TMEM163: variants seen among roughly 807,000 people sequenced by gnomAD.
TMEM163 encodes the protein transmembrane protein 163.
In TMEM163, 17 loss-of-function variants were observed where a neutral mutation model predicts 29.3. The observed-to-expected ratio is 0.58, with a 90% CI of 0.40 to 0.87. The LOEUF (loss-of-function observed/expected upper bound fraction) is 0.87. Among genes scored for constraint, TMEM163 ranks in the 40% least tolerant of loss-of-function variants. The pLI, the probability that TMEM163 is intolerant of heterozygous loss-of-function variation, is 0.00. For missense variants in TMEM163, 303 were observed against 381.5 expected, an observed-to-expected ratio of 0.79 and a Z score of 1.71; for synonymous variants, 157 against 160.6, an observed-to-expected ratio of 0.98 and a Z score of 0.17.
chr2:134,460,272 G>C lies in TMEM163; in HGVS notation c.668-2099C>G, dbSNP rs1686505705. ...CATCCAGCCACACAACCCTGCAACA[G>C]CCATCCTGCCCTCCCCTCAGGGCCA... On this transcript the variant is annotated intron_variant, in intron 6 of 7. Coordinates refer to ENST00000281924, the MANE Select transcript of TMEM163 (RefSeq NM_030923.5). This position sits in a 1 kb window ranked among gnomAD's most constrained non-coding sequence, Gnocchi z 4.3. Among the ~76,000 whole-genome samples the C allele has an allele frequency of 6.6e-6, 1 of 151,828 alleles. No homozygotes were observed. Among genetic ancestry groups the C allele is most frequent in the East Asian group, 2.0e-4 (1 of 5,112 alleles).
intron 2 of TMEM163, among the ~76,000 whole-genome samples, chr2:134,615,080 T>C (rs959608068): frequency 6.6e-6 from 1 of 151,356 alleles, no homozygotes; most frequent in African/African-American, 2.4e-5. Context: ...CACAAGTGAG[T>C]GCATGTACTA....
At chr2:134,490,844 T>C (rs1406802736) in intron 5 of TMEM163, among the ~76,000 whole-genome samples, 1 of 152,062 alleles carries the variant, frequency 6.6e-6, no homozygotes, top group Admixed American at 6.6e-5. Flanking sequence ...CACCACATAA[T>C]CAGGGATATT....
chr2:134,494,126 G>A (rs1024911648), intron 5 of TMEM163, among the ~76,000 whole-genome samples: 5 of 152,136 alleles, frequency 3.3e-5, no homozygotes, highest in South Asian at 4.1e-4. Flanking sequence ...TCTCCCTTCC[G>A]TCTGTTAATA....
At chr2:134,696,215 C>T (rs1360012978) in intron 2 of TMEM163, among the ~76,000 whole-genome samples, 1 of 152,118 alleles carries the variant, frequency 6.6e-6, no homozygotes, top group African/African-American at 2.4e-5. Flanking sequence ...ATGTGTGATG[C>T]TACCTCTCTC....
chr2:134,666,215 G>C (rs1683870144), intron 2 of TMEM163, among the ~76,000 whole-genome samples: 2 of 151,720 alleles, frequency 1.3e-5, no homozygotes, highest in Admixed American at 1.3e-4. Context: ...GCCGACTTCT[G>C]CCTGCCTTTC....
chr2:134,616,094 T>C (rs1251534353), intron 2 of TMEM163, among the ~76,000 whole-genome samples: 1 of 152,134 alleles, frequency 6.6e-6, no homozygotes, highest in Non-Finnish European at 1.5e-5. Flanking sequence ...TACCAAGAGA[T>C]GGAAGTGGTC....
At chr2:134,624,506 G>A (rs1425624276) in intron 2 of TMEM163, among the ~76,000 whole-genome samples, 2 of 152,114 alleles carry the variant, frequency 1.3e-5, no homozygotes, top group East Asian at 3.8e-4. Flanking sequence ...ATGAGTACTA[G>A]GCTTAATACC....
chr2:134,657,634 C>A (rs1429961961), intron 2 of TMEM163, among the ~76,000 whole-genome samples: 1 of 152,034 alleles, frequency 6.6e-6, no homozygotes, highest in Non-Finnish European at 1.5e-5. Context: ...GAAACCCCAT[C>A]TCTACTAAAT....
At chr2:134,563,027 T>A (rs1681216930) in intron 2 of TMEM163, among the ~76,000 whole-genome samples, 1 of 152,204 alleles carries the variant, frequency 6.6e-6, no homozygotes, top group South Asian at 2.1e-4. Context: ...TCCAAACGAT[T>A]GTCCCTTATA....
intron 2 of TMEM163, among the ~76,000 whole-genome samples, chr2:134,595,232 T>C (rs972831246): frequency 6.6e-6 from 1 of 152,040 alleles, no homozygotes; most frequent in Admixed American, 6.6e-5. Flanking sequence ...TCATTTACAT[T>C]AGGTATATCT....
intron 2 of TMEM163, among the ~76,000 whole-genome samples, chr2:134,611,457 C>T (rs1310596361): frequency 6.6e-6 from 1 of 152,130 alleles, no homozygotes; most frequent in African/African-American, 2.4e-5. Flanking sequence ...AGCAAAGCCA[C>T]TTAAAGAGTG....
chr2:134,693,445 A>C (rs1213877045), intron 2 of TMEM163, among the ~76,000 whole-genome samples: 1 of 151,940 alleles, frequency 6.6e-6, no homozygotes, highest in Non-Finnish European at 1.5e-5. Context: ...CATCTCTACT[A>C]AAAATAGAAA....
At chr2:134,660,277 G>C (rs1683718626) in intron 2 of TMEM163, among the ~76,000 whole-genome samples, 2 of 152,146 alleles carry the variant, frequency 1.3e-5, no homozygotes. Context: ...ATATGATGCT[G>C]CCTGTTATGA....
intron 6 of TMEM163, among the ~76,000 whole-genome samples, chr2:134,461,968 T>TCGCTCCCTAGATAATTAC (rs1558910403): frequency 3.1e-4 from 47 of 152,214 alleles, no homozygotes; most frequent in African/African-American, 1.1e-3. Flanking sequence ...AAGATAATTA[T>TCGCTCCCTAGATAATTAC]AGATCGCTCC....
At chr2:134,493,864 G>A (rs1033137774) in intron 5 of TMEM163, among the ~76,000 whole-genome samples, 5 of 152,108 alleles carry the variant, frequency 3.3e-5, no homozygotes, top group African/African-American at 1.2e-4. Flanking sequence ...ACCATTTGTT[G>A]AGGAGACTTT....
chr2:134,496,974 C>G (rs1008599764), intron 5 of TMEM163, among the ~76,000 whole-genome samples: 3 of 152,170 alleles, frequency 2.0e-5, no homozygotes, highest in African/African-American at 7.2e-5. Flanking sequence ...CACGCCTCCT[C>G]CCACTCATCG....
chr2:134,569,255 A>G (rs997240910), intron 2 of TMEM163, among the ~76,000 whole-genome samples: 3 of 152,192 alleles, frequency 2.0e-5, no homozygotes, highest in African/African-American at 7.2e-5. Context: ...ATAACCAGGT[A>G]TCAGGGCAGT....
At chr2:134,469,356 C>A (rs1686741114) in intron 5 of TMEM163, 1 of 152,172 alleles carries the variant, frequency 6.6e-6, no homozygotes, top group African/African-American at 2.4e-5. Flanking sequence ...GCTTCAAAAG[C>A]ACTGAAGCGG....
At chr2:134,650,004 T>TAAAAA (rs1319130397) in intron 2 of TMEM163, among the ~76,000 whole-genome samples, 6 of 97,554 alleles carry the variant, frequency 6.2e-5, no homozygotes, top group African/African-American at 8.4e-5. Flanking sequence ...GACCCTGTCT[T>TAAAAA]AAAAAAAAAA....
Sources: gnomAD v4.1 joint callset for allele counts (sites outside exome capture counted in the v4.1 genomes callset) on GRCh38, gnomAD v4.1.1 for gene constraint, Gnocchi (gnomAD v3.1) non-coding constraint, MANE v1.5 for transcripts, NCBI Gene and HGNC (gene_info 2026-07-23, HGNC 2026-07-21) for gene names.